CTDSPL2: variants seen among roughly 807,000 people sequenced by gnomAD.
The protein encoded by CTDSPL2 is CTD small phosphatase-like protein 2.
CTDSPL2 carries 5 observed loss-of-function variants against 60.0 expected under a neutral mutation model. The observed-to-expected ratio is 0.08, with a 90% CI of 0.04 to 0.18. The LOEUF (loss-of-function observed/expected upper bound fraction) is 0.18, where lower values mean the gene tolerates loss of function less well. Ranked by LOEUF, CTDSPL2 falls within the 10% of genes least tolerant of loss-of-function variation. CTDSPL2 has a pLI of 1.00. For synonymous variants in CTDSPL2, 186 were observed against 189.3 expected, an observed-to-expected ratio of 0.98 and a Z score of 0.14; for missense variants, 370 against 548.8, an observed-to-expected ratio of 0.67 and a Z score of 3.26.
chr15:44,436,914 T>G (rs1169942382), intron 1 of CTDSPL2, among the ~76,000 whole-genome samples: 4 of 152,194 alleles, frequency 2.6e-5, no homozygotes, highest in African/African-American at 9.7e-5. Context: ...GATTTCAGAT[T>G]TTTTTGGATT....
intron 2 of CTDSPL2, among the ~76,000 whole-genome samples, chr15:44,477,935 C>G (rs915923035): frequency 2.6e-5 from 4 of 152,032 alleles, no homozygotes; most frequent in Non-Finnish European, 5.9e-5. Flanking sequence ...TTATCTGGTA[C>G]TATTTATCTG....
chr15:44,446,753 A>T (rs1423143540), intron 1 of CTDSPL2, among the ~76,000 whole-genome samples: 2 of 116,996 alleles, frequency 1.7e-5, no homozygotes, highest in Non-Finnish European at 3.3e-5. Context: ...ATCTTGGGGA[A>T]CTTTTTTTTT....
chr15:44,519,534 C>A, intron 11 of CTDSPL2: 2 of 341,344 alleles, frequency 5.9e-6, no homozygotes, highest in South Asian at 4.8e-5. Context: ...ATAAGATAAG[C>A]ATCATTGAAT....
chr15:44,429,860 C>T (rs1415016157), intron 1 of CTDSPL2, among the ~76,000 whole-genome samples: 2 of 151,708 alleles, frequency 1.3e-5, no homozygotes, highest in Admixed American at 6.6e-5. Context: ...AGCGAGACTC[C>T]GTCTCAAAAA....
chr15:44,471,105 T>C (rs562732417), intron 2 of CTDSPL2, among the ~76,000 whole-genome samples: 1 of 152,188 alleles, frequency 6.6e-6, no homozygotes, highest in African/African-American at 2.4e-5. Flanking sequence ...TTATAATCAG[T>C]TTATCTTGCT....
intron 1 of CTDSPL2, among the ~76,000 whole-genome samples, chr15:44,435,542 C>G (rs1241225401): frequency 6.7e-6 from 1 of 150,248 alleles, no homozygotes; most frequent in Non-Finnish European, 1.5e-5. Flanking sequence ...GCAGTCCAGC[C>G]TGGGCAAGGA....
chr15:44,442,066 TC>T (rs1317598055), intron 1 of CTDSPL2, among the ~76,000 whole-genome samples: 1 of 152,168 alleles, frequency 6.6e-6, no homozygotes, highest in East Asian at 1.9e-4. Flanking sequence ...TGTGGTCAGC[TC>T]CTCCTCTGTA....
In CTDSPL2 at chr15:44,459,012, A is replaced by G. The variant is rs1163179313; in HGVS notation, c.-3A>G. ...TTAGTTTTACATGTGGCACCCATAA[A>G]AGATGAGGCTGAGAACACGGAAAGC... On this transcript the variant is annotated 5_prime_UTR_variant, in exon 2 of 13. Coordinates refer to ENST00000260327, the MANE Select transcript of CTDSPL2 (RefSeq NM_016396.3). The G allele has an allele frequency of 1.3e-6, 2 of 1,534,832 alleles. No homozygotes were observed. The highest frequency in any genetic ancestry group is 2.8e-5 in the African/African-American group (2 of 70,944).
chr15:44,518,806 G>C (rs757383840), intron 10 of CTDSPL2: 1 of 152,984 alleles, frequency 6.5e-6, no homozygotes, highest in Non-Finnish European at 1.5e-5. Context: ...CTGGAAAATT[G>C]GTTAAAAAGC....
At chr15:44,478,483 A>C (rs1428917394) in intron 2 of CTDSPL2, among the ~76,000 whole-genome samples, 4 of 110,874 alleles carry the variant, frequency 3.6e-5, no homozygotes, top group African/African-American at 1.4e-4. Context: ...AAAAAAAAAA[A>C]GACTCATGAG....
At position 44,427,726 on chromosome 15, in the gene CTDSPL2, G is replaced by GAGTC; in HGVS notation, c.-71_-70insAGTC. On this transcript the variant is annotated 5_prime_UTR_variant, in exon 1 of 13. Transcript: ENST00000260327. Reference sequence around the variant, plus strand: ...GAAAGACACCACACATTGCGCAGTCGGGACCATCGCCGGAGCCTGAGGACA... The same window carrying GAGTC: ...GAAAGACACCACACATTGCGCAGTCGAGTCGGACCATCGCCGGAGCCTGAGGACA... 2.5e-6 allele frequency: 1 copy of GAGTC among 399,266 alleles called. No homozygotes were observed. The highest frequency in any genetic ancestry group is 4.4e-6 in the Non-Finnish European group (1 of 226,252). The allele number at this position is 399,266 out of a possible 1,614,324, so 24.7% of individuals were successfully genotyped here.
chr15:44,490,797 A>G lies in CTDSPL2; in HGVS notation c.489A>G (p.Ser163=). The G allele has an allele frequency of 1.9e-6, 3 of 1,612,664 alleles. No individual in the cohort carries two copies. Among genetic ancestry groups the G allele is most frequent in the South Asian group, 2.2e-5 (2 of 91,018 alleles). ...TCATGATTTCAGGAACGTCAGGATCAGATTCTCCAGGACAGGCTGTGGAAG... is the reference window on the plus strand; with the variant it reads ...TCATGATTTCAGGAACGTCAGGATCGGATTCTCCAGGACAGGCTGTGGAAG... ...SPANKNGTSG[S]DSPGQAVEAE... is the part of the protein sequence containing the mutation. Residue 163 remains serine (S), a synonymous_variant, in exon 5 of 13, where the codon TCA becomes TCG. Transcript: ENST00000260327.
chr15:44,504,271 A>G (rs2081422957), intron 8 of CTDSPL2, among the ~76,000 whole-genome samples: 1 of 151,392 alleles, frequency 6.6e-6, no homozygotes, highest in South Asian at 2.1e-4. Flanking sequence ...AATCACTTGA[A>G]CCCAGGAGGC....
chr15:44,463,278 A>G (rs898043028), intron 2 of CTDSPL2, among the ~76,000 whole-genome samples: 2 of 152,062 alleles, frequency 1.3e-5, no homozygotes, highest in Non-Finnish European at 1.5e-5. Context: ...AGTAGCTGGG[A>G]CTACAGGCGC....
chr15:44,489,800 A>G (rs1351180163), intron 4 of CTDSPL2, among the ~76,000 whole-genome samples: 1 of 152,230 alleles, frequency 6.6e-6, no homozygotes, highest in Non-Finnish European at 1.5e-5. Flanking sequence ...GGTAGGTGCC[A>G]GCAGTGAGGA....
At chr15:44,487,011 G>T (rs908467021) in intron 4 of CTDSPL2, among the ~76,000 whole-genome samples, 11 of 151,998 alleles carry the variant, frequency 7.2e-5, no homozygotes, top group African/African-American at 2.7e-4. Flanking sequence ...CAAGTGATCC[G>T]CCCACCTCGG....
intron 1 of CTDSPL2, among the ~76,000 whole-genome samples, chr15:44,436,129 C>T (rs1745369281): frequency 6.6e-6 from 1 of 152,160 alleles, no homozygotes; most frequent in South Asian, 2.1e-4. Flanking sequence ...TGGAAACATG[C>T]TGCTACTTTT....
At chr15:44,455,424 C>T (rs1648778377) in intron 1 of CTDSPL2, among the ~76,000 whole-genome samples, 1 of 152,116 alleles carries the variant, frequency 6.6e-6, no homozygotes, top group South Asian at 2.1e-4. Flanking sequence ...CTTTCTCCTG[C>T]CTTATTGCCC....
chr15:44,494,133 A>G (rs1276589830), intron 5 of CTDSPL2, among the ~76,000 whole-genome samples: 1 of 152,154 alleles, frequency 6.6e-6, no homozygotes. Context: ...TTTGGCTTGT[A>G]AGTTACCTTT....
Sources: allele counts gnomAD v4.1 joint callset (sites outside exome capture counted in the v4.1 genomes callset), GRCh38; gene constraint gnomAD v4.1.1; transcripts MANE v1.5; gene names NCBI Gene and HGNC (gene_info 2026-07-23, HGNC 2026-07-21).